Variants in LAMA2 observed in about 807,000 individuals in gnomAD.
The protein encoded by LAMA2 is laminin subunit alpha-2.
In LAMA2, 269 loss-of-function variants were observed where a neutral mutation model predicts 364.8. That is an observed-to-expected ratio of 0.74 (90% CI 0.67 to 0.82). The LOEUF (loss-of-function observed/expected upper bound fraction) is 0.82, where lower values mean the gene tolerates loss of function less well. LAMA2 is among the 40% of genes least tolerant of loss of function. LAMA2 has a pLI of 0.00. For missense variants in LAMA2, 3,807 were observed against 3,873.2 expected, an observed-to-expected ratio of 0.98 and a Z score of 0.45; for synonymous variants, 1,379 against 1,370.6, an observed-to-expected ratio of 1.01 and a Z score of -0.14.
chr6:129,464,540 A>G, intron 50 of LAMA2, 88 bp downstream of exon 50: 1 of 1,131,066 alleles, frequency 8.8e-7, no homozygotes, highest in South Asian at 1.2e-5. Context: ...AGTTATTGGT[A>G]AAATTATCAG....
At chr6:129,433,698 A>C (rs1291574475) in intron 41 of LAMA2, among the ~76,000 whole-genome samples, 1 of 152,222 alleles carries the variant, frequency 6.6e-6, no homozygotes, top group Non-Finnish European at 1.5e-5. Flanking sequence ...TGAGGAATAT[A>C]TACATAGGTA....
At chr6:129,315,388 T>G in intron 24 of LAMA2, 88 bp from the exon 25 acceptor site, 2 of 1,144,960 alleles carry the variant, frequency 1.7e-6, no homozygotes, top group Admixed American at 1.8e-5. Context: ...GTATAGGAAC[T>G]GCAGATAGAC....
chr6:129,370,795 TG>T (rs1374621852), intron 34 of LAMA2, among the ~76,000 whole-genome samples: 6 of 152,206 alleles, frequency 3.9e-5, no homozygotes, highest in Non-Finnish European at 5.9e-5. Context: ...CCATACAATT[TG>T]CTAAACTCAG....
At chr6:128,988,298 T>C (rs1225832775) in intron 1 of LAMA2, among the ~76,000 whole-genome samples, 3 of 152,182 alleles carry the variant, frequency 2.0e-5, no homozygotes, top group African/African-American at 7.2e-5. Flanking sequence ...CTACTTGATG[T>C]TAACTAAATA....
At chr6:129,464,028 T>A (rs1783403632) in intron 49 of LAMA2, among the ~76,000 whole-genome samples, 1 of 151,932 alleles carries the variant, frequency 6.6e-6, no homozygotes, top group Admixed American at 6.6e-5. Flanking sequence ...AACTATCTAC[T>A]ACCAAGTGCT....
At chr6:128,897,800 T>C (rs1776859787) in intron 1 of LAMA2, among the ~76,000 whole-genome samples, 1 of 152,180 alleles carries the variant, frequency 6.6e-6, no homozygotes, top group Non-Finnish European at 1.5e-5. Context: ...CTTTATGAAC[T>C]TGGATTGCAA....
At position 129,113,331 on chromosome 6, in the gene LAMA2, T is replaced by C. The variant is rs533868718; in HGVS notation, c.639+14916T>C. The stretch of plus-strand genomic sequence containing the variant: ...ATGTTCGAATTCTAAGTTCTTGTCA[T>C]AAATGAATCAATCCAGTTGGCAGGA... On this transcript the variant is annotated intron_variant, in intron 4 of 64. Coordinates refer to ENST00000421865, the MANE Select transcript of LAMA2 (RefSeq NM_000426.4). Among the ~76,000 whole-genome samples the C allele has an allele frequency of 3.3e-5, 5 of 152,156 alleles. No individual in the cohort carries two copies. In the South Asian group the frequency reaches 1.0e-3, roughly 32 times the overall value.
intron 32 of LAMA2, among the ~76,000 whole-genome samples, chr6:129,365,457 G>A (rs1051515148): frequency 6.6e-6 from 1 of 152,124 alleles, no homozygotes; most frequent in African/African-American, 2.4e-5. Flanking sequence ...CCGCCTCCCA[G>A]TTTCAAGTGA....
intron 35 of LAMA2, among the ~76,000 whole-genome samples, chr6:129,385,661 A>T (rs988070843): frequency 6.6e-6 from 1 of 152,164 alleles, no homozygotes; most frequent in East Asian, 1.9e-4. Flanking sequence ...TATAATATCT[A>T]CCGTGCTATG....
intron 12 of LAMA2, among the ~76,000 whole-genome samples, chr6:129,200,676 G>C (rs927029505): frequency 6.6e-6 from 1 of 151,844 alleles, no homozygotes; most frequent in Admixed American, 6.6e-5. Context: ...TAAAGAGTTA[G>C]GACTTACTTT....
chr6:129,516,066 C>A, intron 64 of LAMA2, 124 bp from the exon 65 acceptor site: 1 of 1,119,834 alleles, frequency 8.9e-7, no homozygotes, highest in Non-Finnish European at 1.4e-6. Context: ...AAAAACAAAA[C>A]CACTAACTTT....
chr6:129,405,774 T>C (rs1023074652), intron 40 of LAMA2, among the ~76,000 whole-genome samples: 1 of 152,148 alleles, frequency 6.6e-6, no homozygotes, highest in Non-Finnish European at 1.5e-5. Flanking sequence ...AAGCATTACG[T>C]TGAGTAATTA....
intron 27 of LAMA2, among the ~76,000 whole-genome samples, chr6:129,316,800 A>G (rs1054811113): frequency 6.6e-6 from 1 of 152,204 alleles, no homozygotes; most frequent in African/African-American, 2.4e-5. Context: ...TCTGACACTT[A>G]GGACCACACT....
chr6:128,926,272 C>T (rs1264410706), intron 1 of LAMA2, among the ~76,000 whole-genome samples: 1 of 151,638 alleles, frequency 6.6e-6, no homozygotes, highest in Non-Finnish European at 1.5e-5. Flanking sequence ...AAAAAAAACT[C>T]TTTGGTCATG....
intron 6 of LAMA2, among the ~76,000 whole-genome samples, chr6:129,147,538 A>G (rs1281638051): frequency 1.3e-5 from 2 of 151,946 alleles, no homozygotes; most frequent in Non-Finnish European, 2.9e-5. Context: ...TCAAGAGAGT[A>G]CTGATAGTGG....
chr6:129,195,966 A>G (rs760049609), intron 12 of LAMA2, among the ~76,000 whole-genome samples: 1 of 152,192 alleles, frequency 6.6e-6, no homozygotes, highest in Non-Finnish European at 1.5e-5. Flanking sequence ...TTCTCTTTGC[A>G]TCTGTAAAGT....
intron 43 of LAMA2, chr6:129,442,355 A>T (rs1246583102): frequency 1.4e-5 from 6 of 428,984 alleles, no homozygotes; most frequent in Admixed American, 1.1e-4. Context: ...AACATTTTTT[A>T]AAATTTTTTA....
At chr6:129,105,213 A>G (rs1303927657) in intron 4 of LAMA2, among the ~76,000 whole-genome samples, 1 of 152,168 alleles carries the variant, frequency 6.6e-6, no homozygotes, top group East Asian at 1.9e-4. Context: ...TTTGAGGCCA[A>G]CCACAGGGTA....
intron 55 of LAMA2, among the ~76,000 whole-genome samples, chr6:129,485,161 A>G (rs761246133): frequency 4.6e-5 from 7 of 152,164 alleles, no homozygotes; most frequent in Non-Finnish European, 2.9e-5. Flanking sequence ...ACCAGATCAA[A>G]TATTCTGAAA....
Sources: gnomAD v4.1 joint callset for allele counts (sites outside exome capture counted in the v4.1 genomes callset) on GRCh38, gnomAD v4.1.1 for gene constraint, MANE v1.5 for transcripts, NCBI Gene and HGNC (gene_info 2026-07-23, HGNC 2026-07-21) for gene names.